The following ROBO2 variants were observed in gnomAD, a reference collection of about 807,000 sequenced individuals.
The protein encoded by ROBO2 is roundabout homolog 2.
A neutral mutation model predicts 160.8 loss-of-function variants in ROBO2; 53 were observed. The observed-to-expected ratio is 0.33, with a 90% CI of 0.26 to 0.41. ROBO2 has a LOEUF of 0.41. ROBO2 is among the 10% of genes least tolerant of loss of function. The probability of loss-of-function intolerance (pLI) is 1.00; values close to 1 mark genes in which losing one functional copy is unlikely to be tolerated. For synonymous variants in ROBO2, 664 were observed against 611.7 expected (o/e 1.09, Z -1.26); for missense variants, 1,577 against 1,722.4 (o/e 0.92, Z 1.49).
intron 1 of ROBO2, among the ~76,000 whole-genome samples, chr3:77,080,808 A>G (rs113554333): frequency 0.01 from 1,527 of 152,292 alleles, 15 homozygotes; most frequent in African/African-American, 0.032. Flanking sequence ...GTTTCTCTTC[A>G]TAAATATATA....
At chr3:75,975,356 G>C (rs1314791811) in intron 2 of ROBO2, among the ~76,000 whole-genome samples, 2 of 151,308 alleles carry the variant, frequency 1.3e-5, no homozygotes, top group Non-Finnish European at 3.0e-5. Flanking sequence ...TTTTATAAAT[G>C]ACTAAGATAT....
chr3:77,367,876 T>A (rs2071151224), intron 2 of ROBO2, among the ~76,000 whole-genome samples: 1 of 152,214 alleles, frequency 6.6e-6, no homozygotes, highest in Non-Finnish European at 1.5e-5. Flanking sequence ...AGCTTCAGAA[T>A]GTTATAACAT....
chr3:76,646,681 T>A (rs9309749), intron 2 of ROBO2, among the ~76,000 whole-genome samples: 14,263 of 151,932 alleles, frequency 0.094, 2,171 homozygotes, highest in African/African-American at 0.32. Context: ...GCAATAAGAG[T>A]TAAGTTGCTT....
chr3:77,358,115 GTT>G, intron 2 of ROBO2, among the ~76,000 whole-genome samples: 1 of 152,282 alleles, frequency 6.6e-6, no homozygotes, highest in Non-Finnish European at 1.5e-5. Context: ...CCAACACAGA[GTT>G]TTTGTTGCAA....
chr3:76,004,844 T>C (rs2065978014), intron 2 of ROBO2, among the ~76,000 whole-genome samples: 1 of 152,208 alleles, frequency 6.6e-6, no homozygotes, highest in African/African-American at 2.4e-5. Flanking sequence ...TCAAAATTCA[T>C]CAAAATGAAC....
intron 6 of ROBO2, among the ~76,000 whole-genome samples, chr3:77,540,369 A>G (rs990404939): frequency 6.6e-6 from 1 of 152,182 alleles, no homozygotes; most frequent in Non-Finnish European, 1.5e-5. Flanking sequence ...CTTGGTTCGA[A>G]CGGAACCAAA....
intron 2 of ROBO2, among the ~76,000 whole-genome samples, chr3:76,748,624 T>TA (rs1000415020): frequency 1.3e-5 from 2 of 151,786 alleles, no homozygotes; most frequent in Non-Finnish European, 2.9e-5. Context: ...AAATGGGACT[T>TA]AAAGACAAAT....
chr3:77,158,555 G>T (rs34148368), intron 2 of ROBO2, among the ~76,000 whole-genome samples: 2 of 151,802 alleles, frequency 1.3e-5, no homozygotes, highest in Non-Finnish European at 2.9e-5. Flanking sequence ...ATAAAGAATA[G>T]GGCCAGGGGA....
At chr3:76,709,536 G>A (rs1321498229) in intron 2 of ROBO2, among the ~76,000 whole-genome samples, 1 of 152,174 alleles carries the variant, frequency 6.6e-6, no homozygotes, top group Non-Finnish European at 1.5e-5. Context: ...TGTGAATGGA[G>A]CTGGAAAAGC....
intron 2 of ROBO2, among the ~76,000 whole-genome samples, chr3:76,274,400 A>T (rs545517939): frequency 6.6e-6 from 1 of 152,104 alleles, no homozygotes; most frequent in Non-Finnish European, 1.5e-5. Flanking sequence ...GAATTATTTT[A>T]GTGTTTGTTT....
At chr3:77,564,104 C>G (rs2093413366) in intron 11 of ROBO2, among the ~76,000 whole-genome samples, 1 of 152,132 alleles carries the variant, frequency 6.6e-6, no homozygotes, top group Non-Finnish European at 1.5e-5. Flanking sequence ...TTATAAGCTT[C>G]TCTAATCATT....
rs111681976 is a variant in ROBO2, at chr3:77,635,911, G to C, written c.3934+868G>C. Among the ~76,000 whole-genome samples the C allele has an allele frequency of 4.8e-3, 726 of 152,264 alleles. 2 individuals carry two copies. The highest frequency in any genetic ancestry group is 8.2e-3 in the Non-Finnish European group (560 of 68,018). On this transcript the variant is annotated intron_variant, in intron 24 of 25. Coordinates refer to ENST00000461745, the Ensembl canonical transcript of ROBO2. The stretch of plus-strand genomic sequence containing the variant: ...AATTTTCTCCACAAATCTGGACTCT[G>C]CAAAGTCCAAGATCAAGGCATTGGC...
At chr3:76,195,744 G>A (rs1013343989) in intron 2 of ROBO2, among the ~76,000 whole-genome samples, 2 of 152,150 alleles carry the variant, frequency 1.3e-5, no homozygotes, top group African/African-American at 4.8e-5. Flanking sequence ...AGATCTCTCT[G>A]CCTATAATGC....
intron 2 of ROBO2, among the ~76,000 whole-genome samples, chr3:76,956,365 G>T (rs4416419): frequency 6.6e-6 from 1 of 151,268 alleles, no homozygotes; most frequent in Non-Finnish European, 1.5e-5. Context: ...AGACCATCCT[G>T]GCTAACACGG....
intron 2 of ROBO2, among the ~76,000 whole-genome samples, chr3:76,518,944 T>A (rs1270778623): frequency 2.0e-5 from 3 of 152,162 alleles, no homozygotes; most frequent in Non-Finnish European, 4.4e-5. Context: ...AAACTCATCA[T>A]AATACCCAAT....
intron 2 of ROBO2, among the ~76,000 whole-genome samples, chr3:76,641,347 A>AC (rs1177376376): frequency 1.3e-5 from 2 of 152,168 alleles, no homozygotes; most frequent in African/African-American, 4.8e-5. Context: ...CATACAGAAC[A>AC]CAATATCACC....
intron 2 of ROBO2, among the ~76,000 whole-genome samples, chr3:76,247,759 A>C (rs1460162932): frequency 6.6e-6 from 1 of 152,084 alleles, no homozygotes; most frequent in Non-Finnish European, 1.5e-5. Flanking sequence ...ACAAAGGGCT[A>C]ATATCCAGAA....
intron 2 of ROBO2, among the ~76,000 whole-genome samples, chr3:76,814,449 C>A (rs1213409335): frequency 1.3e-5 from 2 of 152,092 alleles, no homozygotes; most frequent in Non-Finnish European, 2.9e-5. Flanking sequence ...ATAGTGCGTG[C>A]CAATCTATCC....
intron 2 of ROBO2, among the ~76,000 whole-genome samples, chr3:77,246,775 G>T (rs2089780735): frequency 6.6e-6 from 1 of 152,150 alleles, no homozygotes; most frequent in African/African-American, 2.4e-5. Flanking sequence ...TGTGGACAAT[G>T]ATTTTAATTA....
Sources: allele counts gnomAD v4.1 joint callset (sites outside exome capture counted in the v4.1 genomes callset), GRCh38; gene constraint gnomAD v4.1.1; transcripts MANE v1.5; gene names NCBI Gene and HGNC (gene_info 2026-07-23, HGNC 2026-07-21).